The following CCDC171 variants were observed in gnomAD, a reference collection of about 807,000 sequenced individuals.
CCDC171 encodes the protein coiled-coil domain containing 171.
Under a neutral mutation model 168.2 loss-of-function variants are expected in CCDC171, and 177 were observed. The ratio of observed to expected loss-of-function variants is 1.05; its 90% confidence interval spans 0.93 to 1.19. The LOEUF (loss-of-function observed/expected upper bound fraction) is 1.19, where lower values mean the gene tolerates loss of function less well. Ranked by LOEUF, CCDC171 falls within the 50% of genes most tolerant of loss-of-function variation. CCDC171 has a pLI of 0.00. For missense variants in CCDC171, 1,991 were observed against 1,539.0 expected, an observed-to-expected ratio of 1.29 and a Z score of -4.91; for synonymous variants, 687 against 540.8, an observed-to-expected ratio of 1.27 and a Z score of -3.75.
chr9:15,934,998 C>G (rs1242992063), intron 25 of CCDC171, among the ~76,000 whole-genome samples: 1 of 151,938 alleles, frequency 6.6e-6, no homozygotes, highest in Non-Finnish European at 1.5e-5. Flanking sequence ...TTGACAGAGG[C>G]TAGGGGGAGG....
intron 7 of CCDC171, among the ~76,000 whole-genome samples, chr9:15,654,556 T>TTCTTTTCA (rs1196637657): frequency 1.3e-5 from 2 of 152,236 alleles, no homozygotes; most frequent in Non-Finnish European, 2.9e-5. Flanking sequence ...TTATTTCTAT[T>TTCTTTTCA]TCTTTTCATT....
chr9:15,884,493 G>C (rs139030854), intron 24 of CCDC171, among the ~76,000 whole-genome samples: 1 of 152,128 alleles, frequency 6.6e-6, no homozygotes, highest in Admixed American at 6.5e-5. Flanking sequence ...GCAATTTACT[G>C]TATGTCATTG....
intron 15 of CCDC171, among the ~76,000 whole-genome samples, chr9:15,729,186 A>G (rs1465429130): frequency 6.6e-6 from 1 of 152,182 alleles, no homozygotes; most frequent in African/African-American, 2.4e-5. Context: ...CCAGAGTTTG[A>G]ATGTGAAACA....
chr9:15,656,193 C>A (rs559145302), intron 7 of CCDC171, among the ~76,000 whole-genome samples: 1 of 151,884 alleles, frequency 6.6e-6, no homozygotes, highest in African/African-American at 2.4e-5. Flanking sequence ...GTGGCCGGTA[C>A]GTGTAGTAGT....
chr9:15,765,247 A>G (rs1308258893), intron 18 of CCDC171, among the ~76,000 whole-genome samples: 2 of 152,184 alleles, frequency 1.3e-5, no homozygotes, highest in Non-Finnish European at 2.9e-5. Flanking sequence ...ATGAAAGGCA[A>G]GCAGGTACAT....
chr9:15,751,273 TAA>T (rs1298279504), intron 18 of CCDC171, among the ~76,000 whole-genome samples: 3 of 151,964 alleles, frequency 2.0e-5, no homozygotes, highest in Non-Finnish European at 4.4e-5. Context: ...CTCAACGAAA[TAA>T]AAGAGGTCAC....
chr9:15,727,320 A>G (rs73644698), intron 14 of CCDC171, among the ~76,000 whole-genome samples: 1 of 152,314 alleles, frequency 6.6e-6, no homozygotes, highest in African/African-American at 2.4e-5. Flanking sequence ...ATAAGTAGTA[A>G]GTAAACTGGA....
intron 2 of CCDC171, among the ~76,000 whole-genome samples, chr9:15,567,599 G>A (rs1450307701): frequency 6.6e-6 from 1 of 151,948 alleles, no homozygotes; most frequent in Admixed American, 6.6e-5. Context: ...CTTTCCACTT[G>A]TTTAGCTTTT....
chr9:15,982,571 T>G (rs1445703857), intron 3 of CCDC171, among the ~76,000 whole-genome samples: 1 of 152,062 alleles, frequency 6.6e-6, no homozygotes, highest in African/African-American at 2.4e-5. Context: ...AGCCCAGCCT[T>G]TAGAGGAAGC....
intron 21 of CCDC171, among the ~76,000 whole-genome samples, chr9:15,806,375 T>C (rs902843458): frequency 4.6e-5 from 7 of 152,160 alleles, no homozygotes; most frequent in Non-Finnish European, 8.8e-5. Context: ...CTGGTAATGG[T>C]TTTTCTTTTC....
At chr9:16,020,394 A>G (rs1833130294) in intron 3 of CCDC171, among the ~76,000 whole-genome samples, 1 of 152,218 alleles carries the variant, frequency 6.6e-6, no homozygotes, top group Non-Finnish European at 1.5e-5. Flanking sequence ...GGATATTCAA[A>G]CCATATATGC....
At chr9:16,002,132 A>G (rs1270172535) in intron 3 of CCDC171, among the ~76,000 whole-genome samples, 1 of 89,022 alleles carries the variant, frequency 1.1e-5, no homozygotes, top group Non-Finnish European at 2.2e-5. Context: ...CCAGCCTACT[A>G]TCATTTTTTT....
At chr9:15,763,389 C>G (rs1056640187) in intron 18 of CCDC171, among the ~76,000 whole-genome samples, 1 of 152,124 alleles carries the variant, frequency 6.6e-6, no homozygotes, top group Non-Finnish European at 1.5e-5. Context: ...TCTTCTTGAA[C>G]ATTGGGGTGA....
intron 18 of CCDC171, among the ~76,000 whole-genome samples, chr9:15,766,717 G>A (rs147077647): frequency 0.013 from 1,960 of 151,166 alleles, 50 homozygotes; most frequent in African/African-American, 0.044. Context: ...GTACAGTGGT[G>A]CAATCATAGC....
chr9:15,645,894 G>C (rs1355437008), intron 7 of CCDC171, among the ~76,000 whole-genome samples: 1 of 152,106 alleles, frequency 6.6e-6, no homozygotes, highest in African/African-American at 2.4e-5. Flanking sequence ...GAAATACAGA[G>C]AACGCCACAA....
At chr9:16,039,783 C>G (rs544240329), upstream of CCDC171, among the ~76,000 whole-genome samples, 132 of 152,256 alleles carry the variant, frequency 8.7e-4, no homozygotes, top group South Asian at 9.3e-3. Context: ...CACATGGCCC[C>G]CCTTGAGCTA....
chr9:16,063,599 C>T (rs762918741), downstream of CCDC171, among the ~76,000 whole-genome samples: 5 of 152,160 alleles, frequency 3.3e-5, no homozygotes, highest in African/African-American at 4.8e-5. Flanking sequence ...TACGGAAAAG[C>T]GAAAACCAGG....
intron 23 of CCDC171, among the ~76,000 whole-genome samples, chr9:15,870,494 T>C (rs2061987805): frequency 6.6e-6 from 1 of 151,920 alleles, no homozygotes; most frequent in African/African-American, 2.4e-5. Context: ...AAGTATGACA[T>C]GAAGCCCTAA....
chr9:15,914,525 T>C (rs912609246), intron 24 of CCDC171, among the ~76,000 whole-genome samples: 1 of 152,110 alleles, frequency 6.6e-6, no homozygotes, highest in Admixed American at 6.5e-5. Context: ...CCAGGTTGAC[T>C]TCGGACTGCT....
Sources: allele counts gnomAD v4.1 joint callset (sites outside exome capture counted in the v4.1 genomes callset), GRCh38; gene constraint gnomAD v4.1.1; transcripts MANE v1.5; gene names NCBI Gene and HGNC (gene_info 2026-07-23, HGNC 2026-07-21).